FBXW7: variants seen among roughly 807,000 people sequenced by gnomAD.
FBXW7 encodes F-box and WD repeat domain containing 7, also known as F-box/WD repeat-containing protein 7.
In FBXW7, 11 loss-of-function variants were observed where a neutral mutation model predicts 86.3. The ratio of observed to expected loss-of-function variants is 0.13; its 90% CI spans 0.08 to 0.21. The LOEUF (loss-of-function observed/expected upper bound fraction) is 0.21. Ranked by LOEUF, FBXW7 falls within the 10% of genes least tolerant of loss-of-function variation. The pLI, the probability that FBXW7 is intolerant of heterozygous loss-of-function variation, is 1.00. For missense variants in FBXW7, 488 were observed against 847.4 expected (o/e 0.58, Z 5.27); for synonymous variants, 313 against 297.9 (o/e 1.05, Z -0.52).
intron 4 of FBXW7, among the ~76,000 whole-genome samples, chr4:152,350,334 T>G (rs1313178376): frequency 6.6e-6 from 1 of 151,668 alleles, no homozygotes; most frequent in Non-Finnish European, 1.5e-5. Flanking sequence ...CCCCTAATAT[T>G]TTATCCAGAA....
chr4:152,528,338 G>A (rs1749713083), intron 2 of FBXW7, among the ~76,000 whole-genome samples: 1 of 152,150 alleles, frequency 6.6e-6, no homozygotes, highest in South Asian at 2.1e-4. Context: ...GGTCTGATGG[G>A]GGAAGAGCAG....
Position 152,326,132 on chromosome 4 carries a change from A to G in FBXW7, c.1518T>C (p.Cys506=). The change falls in exon 12 of 14, where the codon TGT becomes TGC. Residue 506 remains cysteine, a synonymous_variant. Transcript: ENST00000281708. The part of the protein sequence containing the change: ...VLMGHVAAVR[C]VQYDGRRVVS... ...CAACCCTCCTGCCATCATATTGAAC[A>G]CAGCGGACTGCTGCAACATGACCCA... is the stretch of plus-strand genomic sequence containing the variant. 6.2e-7 allele frequency: 1 copy of G among 1,613,400 alleles called. No homozygotes were observed. The highest frequency in any genetic ancestry group is 1.1e-5 in the South Asian group (1 of 91,064).
At chr4:152,397,695 CAAAAAAAAAAAA>C (rs397995836) in intron 4 of FBXW7, among the ~76,000 whole-genome samples, 15 of 60,406 alleles carry the variant, frequency 2.5e-4, no homozygotes, top group African/African-American at 5.0e-4. Flanking sequence ...CCTAAGAAGC[CAAAAAAAAAAAA>C]AAAAAAAAAA....
rs552753467 is a variant in FBXW7, at chr4:152,403,510, C to T, written c.501+7793G>A. On this transcript the variant is annotated intron_variant, in intron 4 of 13. Transcript: ENST00000281708. ...AAAAAAAAAGAATTGTGTTTTAAAA[C>T]GGTAGTCACCAACCTTTTTGGCACC... Among the ~76,000 whole-genome samples the T allele has an allele frequency of 2.3e-3, 351 of 150,896 alleles. 1 individual carries two copies. Among genetic ancestry groups the T allele is most frequent in the Middle Eastern group, 0.01 (3 of 290 alleles).
At chr4:152,440,322 C>T (rs1232941796) in intron 2 of FBXW7, among the ~76,000 whole-genome samples, 2 of 152,200 alleles carry the variant, frequency 1.3e-5, no homozygotes, top group South Asian at 2.1e-4. Context: ...AAATTATTTT[C>T]TTTATGAAAA....
intron 6 of FBXW7, among the ~76,000 whole-genome samples, chr4:152,343,776 C>A (rs2126619194): frequency 6.6e-6 from 1 of 152,090 alleles, no homozygotes; most frequent in East Asian, 1.9e-4. Flanking sequence ...GACTGCCATA[C>A]AAAGTGGATC....
chr4:152,517,206 G>T (rs1250470162), intron 2 of FBXW7, among the ~76,000 whole-genome samples: 1 of 152,106 alleles, frequency 6.6e-6, no homozygotes, highest in Admixed American at 6.6e-5. Context: ...TGTAAATAAA[G>T]TTGGAGGGGT....
intron 4 of FBXW7, among the ~76,000 whole-genome samples, chr4:152,394,398 G>A (rs748194993): frequency 2.0e-5 from 3 of 152,008 alleles, no homozygotes; most frequent in Non-Finnish European, 4.4e-5. Context: ...TTGACTTGTA[G>A]GTTCTTTTAC....
intron 4 of FBXW7, among the ~76,000 whole-genome samples, chr4:152,379,236 T>C (rs1412620618): frequency 6.6e-6 from 1 of 152,140 alleles, no homozygotes; most frequent in African/African-American, 2.4e-5. Context: ...AAATAGTTAT[T>C]TTTCTATAAC....
chr4:152,462,157 G>A (rs1743008583), intron 2 of FBXW7, among the ~76,000 whole-genome samples: 1 of 152,144 alleles, frequency 6.6e-6, no homozygotes, highest in African/African-American at 2.4e-5. Context: ...GGTCAGTGAA[G>A]GAAATGGGCA....
intron 2 of FBXW7, among the ~76,000 whole-genome samples, chr4:152,469,199 C>T (rs1358782872): frequency 2.0e-5 from 3 of 151,940 alleles, no homozygotes; most frequent in Non-Finnish European, 4.4e-5. Flanking sequence ...ACTATGACAC[C>T]TCATTATGCA....
intron 2 of FBXW7, among the ~76,000 whole-genome samples, chr4:152,415,840 T>A (rs909549185): frequency 6.6e-6 from 1 of 152,130 alleles, no homozygotes; most frequent in African/African-American, 2.4e-5. Flanking sequence ...TTCCTCTTTT[T>A]ATTTCTTTTA....
intron 2 of FBXW7, among the ~76,000 whole-genome samples, chr4:152,437,170 G>A (rs773080021): frequency 2.0e-5 from 3 of 152,184 alleles, no homozygotes; most frequent in Non-Finnish European, 4.4e-5. Flanking sequence ...TTCACAGAAG[G>A]AGGTCAAAAT....
At position 152,510,870 on chromosome 4, in the gene FBXW7, T is replaced by C. The variant is rs540411778; in HGVS notation, c.-120+24071A>G. On this transcript the variant is annotated intron_variant, in intron 2 of 13. Coordinates refer to ENST00000281708, the MANE Select transcript of FBXW7 (RefSeq NM_001349798.2). ...GGACAGGGCTTTTTCCCCAAATGAA[T>C]AGAAAGTTGCTGCAATATAAATTAC... Among the ~76,000 whole-genome samples the C allele has an allele frequency of 7.2e-5, 11 of 152,264 alleles. No individual in the cohort carries two copies. The South Asian group carries it at 1.2e-3, about 17-fold the overall frequency.
chr4:152,511,162 T>C (rs908095484), intron 2 of FBXW7, among the ~76,000 whole-genome samples: 2 of 151,978 alleles, frequency 1.3e-5, no homozygotes, highest in African/African-American at 2.4e-5. Flanking sequence ...TGGGATTTTA[T>C]TCTTTTTCTC....
intron 2 of FBXW7, among the ~76,000 whole-genome samples, chr4:152,465,750 A>G (rs1579278909): frequency 6.6e-6 from 1 of 151,822 alleles, no homozygotes; most frequent in African/African-American, 2.4e-5. Flanking sequence ...AGGCTGACAC[A>G]GGAGAATCGC....
chr4:152,473,586 G>A (rs769915033), intron 2 of FBXW7, among the ~76,000 whole-genome samples: 10 of 152,116 alleles, frequency 6.6e-5, no homozygotes, highest in Non-Finnish European at 1.3e-4. Context: ...CTGGGCTCAA[G>A]CAATCCACCT....
intron 2 of FBXW7, among the ~76,000 whole-genome samples, chr4:152,444,252 C>G (rs976539970): frequency 4.6e-5 from 7 of 152,136 alleles, no homozygotes; most frequent in African/African-American, 1.7e-4. Context: ...AAATCATGAG[C>G]ACTTTCCTAT....
intron 2 of FBXW7, among the ~76,000 whole-genome samples, chr4:152,435,735 A>G (rs1303938906): frequency 6.6e-6 from 1 of 152,212 alleles, no homozygotes; most frequent in Non-Finnish European, 1.5e-5. Context: ...CACAAATAGT[A>G]TATTTTTTTA....
Sources: gnomAD v4.1 joint callset for allele counts (sites outside exome capture counted in the v4.1 genomes callset) on GRCh38, gnomAD v4.1.1 for gene constraint, MANE v1.5 for transcripts, NCBI Gene and HGNC (gene_info 2026-07-23, HGNC 2026-07-21) for gene names.